Variants in KHDRBS2 observed in about 807,000 individuals in gnomAD.
The protein encoded by KHDRBS2 is KH RNA binding domain containing, signal transduction associated 2, also known as KH domain-containing, RNA-binding, signal transduction-associated protein 2.
In KHDRBS2, 26 loss-of-function variants were observed where a neutral mutation model predicts 44.3. That is an observed-to-expected ratio of 0.59 (90% CI 0.43 to 0.81). KHDRBS2 has a LOEUF of 0.81. Among genes scored for constraint, KHDRBS2 ranks in the 40% least tolerant of loss-of-function variants. KHDRBS2 has a pLI of 0.00. For missense variants in KHDRBS2, 476 were observed against 433.1 expected (o/e 1.10, Z -0.88); for synonymous variants, 194 against 151.1 (o/e 1.28, Z -2.08).
the KHDRBS2 span, among the ~76,000 whole-genome samples, chr6:61,641,908 C>T: frequency 1.3e-5 from 2 of 152,172 alleles, no homozygotes; most frequent in Admixed American, 1.3e-4. Context: ...TAGGGCAGTG[C>T]TGGAAATTGG....
At chr6:62,014,384 C>G (rs957074732) in intron 3 of KHDRBS2, among the ~76,000 whole-genome samples, 2 of 152,072 alleles carry the variant, frequency 1.3e-5, no homozygotes. Flanking sequence ...AAAACCCAAT[C>G]TTTTGATTGA....
intron 3 of KHDRBS2, among the ~76,000 whole-genome samples, chr6:61,978,428 G>T (rs1384144642): frequency 6.6e-6 from 1 of 151,924 alleles, no homozygotes; most frequent in Non-Finnish European, 1.5e-5. Flanking sequence ...TTAAAAACCG[G>T]CATAATTATC....
chr6:61,654,707 G>T, the KHDRBS2 span, among the ~76,000 whole-genome samples: 1 of 151,140 alleles, frequency 6.6e-6, no homozygotes, highest in African/African-American at 2.4e-5. Context: ...TCAGAAATTA[G>T]TAACAGGAGC....
the KHDRBS2 span, among the ~76,000 whole-genome samples, chr6:61,595,001 A>G: frequency 6.6e-4 from 101 of 152,234 alleles, 1 homozygote; most frequent in East Asian, 0.018. Context: ...TAATCAAAAG[A>G]CATAACAAAA....
chr6:61,569,944 C>A, the KHDRBS2 span, among the ~76,000 whole-genome samples: 11 of 152,094 alleles, frequency 7.2e-5, no homozygotes, highest in East Asian at 3.9e-4. Context: ...GAGTTCCAGA[C>A]CTTTCCACTG....
At chr6:61,933,564 C>T (rs971996805) in intron 4 of KHDRBS2, among the ~76,000 whole-genome samples, 4 of 152,100 alleles carry the variant, frequency 2.6e-5, no homozygotes, top group African/African-American at 9.7e-5. Context: ...AAGGGATTTA[C>T]ACAAACCTAG....
At chr6:62,006,890 G>C (rs1240910823) in intron 3 of KHDRBS2, among the ~76,000 whole-genome samples, 1 of 151,892 alleles carries the variant, frequency 6.6e-6, no homozygotes, top group Non-Finnish European at 1.5e-5. Context: ...CAAAATATAA[G>C]GCAGGAGTTA....
intron 6 of KHDRBS2, among the ~76,000 whole-genome samples, chr6:61,879,767 T>A (rs1799950542): frequency 6.6e-6 from 1 of 151,920 alleles, no homozygotes; most frequent in African/African-American, 2.4e-5. Context: ...TAAATTATTT[T>A]TGTCAAAATC....
At chr6:61,802,607 C>G (rs1164507970) in intron 6 of KHDRBS2, among the ~76,000 whole-genome samples, 2 of 152,126 alleles carry the variant, frequency 1.3e-5, no homozygotes, top group Admixed American at 1.3e-4. Flanking sequence ...AACAGAGACA[C>G]AGAAGCTTGA....
the KHDRBS2 span, among the ~76,000 whole-genome samples, chr6:61,598,837 CTTTTTTTTT>C: frequency 1.5e-5 from 1 of 65,516 alleles, no homozygotes; most frequent in South Asian, 4.2e-4. Context: ...TTTTTCTTTT[CTTTTTTTTT>C]TTTTTTTTTT....
intron 6 of KHDRBS2, among the ~76,000 whole-genome samples, chr6:61,880,437 G>T (rs1419383692): frequency 6.6e-6 from 1 of 151,812 alleles, no homozygotes; most frequent in Non-Finnish European, 1.5e-5. Context: ...ATATTCTGTT[G>T]TCTGGATCTT....
intron 6 of KHDRBS2, among the ~76,000 whole-genome samples, chr6:61,875,745 T>C (rs1799320942): frequency 6.6e-6 from 1 of 152,138 alleles, no homozygotes; most frequent in Non-Finnish European, 1.5e-5. Context: ...GCTAATGTGA[T>C]AATTATTTTA....
At chr6:61,903,845 C>T (rs1804491310) in intron 4 of KHDRBS2, among the ~76,000 whole-genome samples, 1 of 152,130 alleles carries the variant, frequency 6.6e-6, no homozygotes, top group Admixed American at 6.5e-5. Flanking sequence ...CTCCAGTCAT[C>T]CCTGCTCTCC....
At chr6:61,727,514 G>A (rs916184506) in intron 7 of KHDRBS2, among the ~76,000 whole-genome samples, 1 of 152,086 alleles carries the variant, frequency 6.6e-6, no homozygotes, top group African/African-American at 2.4e-5. Context: ...CTACAGAATG[G>A]AAGAAAAATT....
In KHDRBS2 at chr6:62,163,839, C is replaced by A. The variant is rs1818145844; in HGVS notation, c.219+13346G>T. Among the ~76,000 whole-genome samples the A allele has an allele frequency of 2.0e-5, 3 of 152,038 alleles. No homozygotes were observed. In the South Asian group the frequency reaches 6.2e-4, roughly 32 times the overall value. On this transcript the variant is annotated intron_variant, in intron 2 of 8. Transcript: ENST00000281156. ...TACTTCAGAAAAGAAAATAGCAGTT[C>A]ATTCTGCTTTTCTCAGTGTCTGACA...
intron 2 of KHDRBS2, among the ~76,000 whole-genome samples, chr6:62,096,824 T>G (rs1800716870): frequency 6.6e-6 from 1 of 151,964 alleles, no homozygotes; most frequent in Admixed American, 6.6e-5. Flanking sequence ...TTTATTTTAT[T>G]TTTTTCTGAT....
the KHDRBS2 span, among the ~76,000 whole-genome samples, chr6:61,572,052 C>T: frequency 1.3e-5 from 2 of 151,600 alleles, no homozygotes; most frequent in African/African-American, 4.8e-5. Context: ...GAAGATATAC[C>T]AAATTGATAG....
chr6:61,841,148 A>C (rs1380386120), intron 6 of KHDRBS2, among the ~76,000 whole-genome samples: 1 of 152,170 alleles, frequency 6.6e-6, no homozygotes, highest in Non-Finnish European at 1.5e-5. Context: ...ACAAGCTGTA[A>C]CTGGAATCAG....
At chr6:62,036,332 G>C (rs1469265338) in intron 3 of KHDRBS2, among the ~76,000 whole-genome samples, 2 of 151,894 alleles carry the variant, frequency 1.3e-5, no homozygotes, top group East Asian at 1.9e-4. Flanking sequence ...TGTCCTATAA[G>C]TAATTTTACA....
Sources: gnomAD v4.1 joint callset for allele counts (sites outside exome capture counted in the v4.1 genomes callset) on GRCh38, gnomAD v4.1.1 for gene constraint, MANE v1.5 for transcripts, NCBI Gene and HGNC (gene_info 2026-07-23, HGNC 2026-07-21) for gene names.